The following FUT8 variants were observed in gnomAD, a reference collection of about 807,000 sequenced individuals.
FUT8 encodes the protein fucosyltransferase 8.
Under a neutral mutation model 71.3 loss-of-function variants are expected in FUT8, and 29 were observed. The ratio of observed to expected loss-of-function variants is 0.41; its 90% CI spans 0.30 to 0.55. FUT8 has a LOEUF of 0.55. FUT8 is among the 20% of genes least tolerant of loss of function. FUT8 has a pLI of 0.34. For missense variants in FUT8, 544 were observed against 702.1 expected (o/e 0.77, Z 2.55); for synonymous variants, 254 against 239.3 (o/e 1.06, Z -0.57).
chr14:65,606,421 T>C (rs1566847948), intron 3 of FUT8, among the ~76,000 whole-genome samples: 2 of 151,812 alleles, frequency 1.3e-5, no homozygotes, highest in Non-Finnish European at 2.9e-5. Flanking sequence ...TTAGTCTTTC[T>C]TTTTATGGTT....
At chr14:65,360,377 C>T in the FUT8 span, among the ~76,000 whole-genome samples, 2 of 152,156 alleles carry the variant, frequency 1.3e-5, no homozygotes, top group Admixed American at 6.5e-5. Context: ...ACTGATTATA[C>T]CATTATGGAG....
At chr14:65,640,037 G>A (rs1245844639) in intron 6 of FUT8, among the ~76,000 whole-genome samples, 1 of 152,064 alleles carries the variant, frequency 6.6e-6, no homozygotes, top group Non-Finnish European at 1.5e-5. Context: ...CAATTTGATT[G>A]TAAGCTCTGC....
intron 7 of FUT8, among the ~76,000 whole-genome samples, chr14:65,706,075 G>A (rs1432340961): frequency 6.6e-6 from 1 of 152,158 alleles, no homozygotes; most frequent in Non-Finnish European, 1.5e-5. Context: ...ATTGTGCTAA[G>A]CTTTCTACAT....
chr14:65,488,746 C>T (rs973781312), intron 2 of FUT8, among the ~76,000 whole-genome samples: 5 of 152,120 alleles, frequency 3.3e-5, no homozygotes, highest in African/African-American at 7.2e-5. Context: ...AAATACCAGA[C>T]TGTGTTGGTT....
intron 7 of FUT8, among the ~76,000 whole-genome samples, chr14:65,672,710 C>T (rs543868346): frequency 7.9e-5 from 12 of 152,304 alleles, no homozygotes; most frequent in African/African-American, 2.2e-4. Context: ...GTCCTCCCAC[C>T]TCAGCCTCCC....
At chr14:65,360,137 A>G in the FUT8 span, among the ~76,000 whole-genome samples, 4 of 152,096 alleles carry the variant, frequency 2.6e-5, no homozygotes, top group East Asian at 3.9e-4. Context: ...GGCCAGGCAC[A>G]CTCATTTTTA....
At chr14:65,573,735 TA>T (rs202204988) in intron 3 of FUT8, among the ~76,000 whole-genome samples, 3,823 of 137,490 alleles carry the variant, frequency 0.028, 100 homozygotes, top group East Asian at 0.1. Flanking sequence ...CCCCCATGTC[TA>T]AAAAAAAAAA....
intron 2 of FUT8, among the ~76,000 whole-genome samples, chr14:65,543,727 A>T (rs1884824473): frequency 6.6e-6 from 1 of 152,200 alleles, no homozygotes; most frequent in Non-Finnish European, 1.5e-5. Context: ...CAAGGGACAG[A>T]TGACTCAATC....
chr14:65,672,353 A>G (rs1395509545), intron 7 of FUT8, among the ~76,000 whole-genome samples: 1 of 152,226 alleles, frequency 6.6e-6, no homozygotes, highest in Non-Finnish European at 1.5e-5. Context: ...CTAACTACAC[A>G]TACTAGACCT....
At chr14:65,736,910 G>A (rs974007237) in intron 10 of FUT8, among the ~76,000 whole-genome samples, 7 of 152,010 alleles carry the variant, frequency 4.6e-5, no homozygotes, top group Non-Finnish European at 1.0e-4. Context: ...TAAACTTTCT[G>A]TCTCCTATAC....
At chr14:65,683,144 G>A (rs1893117683) in intron 7 of FUT8, among the ~76,000 whole-genome samples, 1 of 151,736 alleles carries the variant, frequency 6.6e-6, no homozygotes, top group Non-Finnish European at 1.5e-5. Context: ...CTCTTGAGTA[G>A]CTGGAATTAC....
the FUT8 span, among the ~76,000 whole-genome samples, chr14:65,398,226 T>C: frequency 6.6e-6 from 1 of 152,150 alleles, no homozygotes; most frequent in African/African-American, 2.4e-5. Flanking sequence ...AGTGGCACAA[T>C]CATAGCTCAC....
intron 2 of FUT8, among the ~76,000 whole-genome samples, chr14:65,508,644 G>C (rs1026912593): frequency 1.3e-5 from 2 of 151,540 alleles, no homozygotes; most frequent in Non-Finnish European, 2.9e-5. Context: ...GGGATTACAG[G>C]TGCCTGCCAC....
intron 6 of FUT8, among the ~76,000 whole-genome samples, chr14:65,645,161 G>A (rs1423551983): frequency 6.6e-6 from 1 of 152,104 alleles, no homozygotes; most frequent in Non-Finnish European, 1.5e-5. Context: ...TATTGATTTG[G>A]GTGTTACAAA....
At chr14:65,501,869 TGGG>T (rs2066650177) in intron 2 of FUT8, among the ~76,000 whole-genome samples, 1 of 149,074 alleles carries the variant, frequency 6.7e-6, no homozygotes, top group East Asian at 2.0e-4. Flanking sequence ...GTTAATGTGA[TGGG>T]GGAGGGGGCA....
intron 3 of FUT8, among the ~76,000 whole-genome samples, chr14:65,597,419 G>C (rs1223116304): frequency 6.6e-6 from 1 of 151,480 alleles, no homozygotes; most frequent in Non-Finnish European, 1.5e-5. Context: ...ACGAGGTCAG[G>C]AGATCGAGAC....
In FUT8 at chr14:65,638,406, C is replaced by G. The variant is rs1890671462; in HGVS notation, c.597+8800C>G. ...GCTTTGGTTTATGTTTTGAATAGGA[C>G]TTTTACTGGAAATTGGTAGATTATT... On this transcript the variant is annotated intron_variant, in intron 6 of 10. Coordinates refer to ENST00000673929, the MANE Select transcript of FUT8 (RefSeq NM_001371533.1). The surrounding 1 kb of genome is among the most constrained non-coding windows in gnomAD (Gnocchi z 4.5). Among the ~76,000 whole-genome samples the G allele has an allele frequency of 6.8e-6, 1 of 146,950 alleles. No individual in the cohort carries two copies.
rs1320726840 is a variant in FUT8, at chr14:65,638,391, A to G, written c.597+8785A>G. On this transcript the variant is annotated intron_variant, in intron 6 of 10. Transcript: ENST00000673929. This position sits in a 1 kb window ranked among gnomAD's most constrained non-coding sequence, Gnocchi z 4.5. Reference sequence around the variant, plus strand: ...CCCCGTGTTTTGCTTGCTTTGGTTTATGTTTTGAATAGGACTTTTACTGGA... The same window carrying G: ...CCCCGTGTTTTGCTTGCTTTGGTTTGTGTTTTGAATAGGACTTTTACTGGA... 6.6e-6 allele frequency among the ~76,000 whole-genome samples: 1 copy of G among 150,646 alleles called. No homozygotes were observed. Among genetic ancestry groups the G allele is most frequent in the Non-Finnish European group, 1.5e-5 (1 of 67,740 alleles).
chr14:65,711,358 A>AC (rs1368656043), intron 7 of FUT8, among the ~76,000 whole-genome samples: 2 of 152,246 alleles, frequency 1.3e-5, no homozygotes, highest in African/African-American at 4.8e-5. Context: ...GGAGCTAGTT[A>AC]CACTGAACAT....
Sources: gnomAD v4.1 joint callset for allele counts (sites outside exome capture counted in the v4.1 genomes callset) on GRCh38, gnomAD v4.1.1 for gene constraint, Gnocchi (gnomAD v3.1) non-coding constraint, MANE v1.5 for transcripts, NCBI Gene and HGNC (gene_info 2026-07-23, HGNC 2026-07-21) for gene names.